Variants in ZNF714 observed in about 807,000 individuals in gnomAD.
ZNF714 encodes the protein zinc finger protein 714.
ZNF714 carries 32 observed loss-of-function variants against 46.2 expected under a neutral mutation model. The ratio of observed to expected loss-of-function variants is 0.69; its 90% CI spans 0.52 to 0.93. The LOEUF (loss-of-function observed/expected upper bound fraction) is 0.93, where lower values mean the gene tolerates loss of function less well. Ranked by LOEUF, ZNF714 falls within the 40% of genes least tolerant of loss-of-function variation. ZNF714 has a pLI of 0.00. For synonymous variants in ZNF714, 199 were observed against 213.1 expected (o/e 0.93, Z 0.58); for missense variants, 635 against 646.3 (o/e 0.98, Z 0.19).
At chr19:21,112,816 A>ATTTTTTTTTTTTTTTGTT (rs1969483688) in intron 4 of ZNF714, among the ~76,000 whole-genome samples, 1 of 43,210 alleles carries the variant, frequency 2.3e-5, no homozygotes, top group Non-Finnish European at 4.2e-5. Flanking sequence ...TTTATTTCTG[A>ATTTTTTTTTTTTTTTGTT]TTTTTTTTTT....
At chr19:21,112,067 C>G (rs1380080461) in intron 4 of ZNF714, among the ~76,000 whole-genome samples, 2 of 152,052 alleles carry the variant, frequency 1.3e-5, no homozygotes, top group Admixed American at 1.3e-4. Flanking sequence ...TTTGTTATAT[C>G]TCTGCCAGGT....
At position 21,082,356 on chromosome 19, in the gene ZNF714, T is replaced by C. The variant is rs1439010944; in HGVS notation, c.-177+8T>C. ...CCCGGAAGCCTAGAAATGGTGAGAG[T>C]GCCGGGTCCGACATCCCGAGAGAGG... On this transcript the variant is annotated splice_region_variant and intron_variant, in intron 1 of 4. Coordinates refer to ENST00000456283, the MANE Select transcript of ZNF714 (RefSeq NM_182515.4). 2.7e-6 allele frequency: 4 copies of C among 1,457,622 alleles called. No homozygotes were observed. The highest frequency in any genetic ancestry group is 3.7e-6 in the Non-Finnish European group (4 of 1,078,098). 90.3% of individuals were successfully genotyped at this position (1,457,622 alleles called of 1,614,324 possible).
intron 4 of ZNF714, among the ~76,000 whole-genome samples, chr19:21,105,018 A>C (rs1325361617): frequency 7.9e-6 from 1 of 127,344 alleles, no homozygotes; most frequent in Non-Finnish European, 1.6e-5. Flanking sequence ...TTATTTTTTC[A>C]TTTCTTTCTT....
Position 21,117,430 on chromosome 19 carries a change from C to A in ZNF714, c.766C>A (p.Pro256Thr). 1.2e-6 allele frequency: 2 copies of A among 1,612,746 alleles called. No homozygotes were observed. Among genetic ancestry groups the A allele is most frequent in the Non-Finnish European group, 1.7e-6 (2 of 1,179,440 alleles). Residue 256 changes from proline (P) to threonine (T), a missense_variant, in exon 5 of 5, where the codon CCC becomes ACC. Pro to Thr is a conservative substitution (Grantham distance 38). Transcript: ENST00000456283. ...THKVIHTGEK[P>T]FKCEECGKAF... ...TAAGGTAATTCATACTGGAGAGAAG[C>A]CCTTCAAATGTGAAGAATGTGGTAA... is the stretch of plus-strand genomic sequence containing the variant.
chr19:21,086,717 C>T (rs2144820656), intron 2 of ZNF714, among the ~76,000 whole-genome samples: 1 of 152,276 alleles, frequency 6.6e-6, no homozygotes, highest in Middle Eastern at 3.4e-3. Flanking sequence ...AGGAATGCAG[C>T]CCAGTCAGTC....
chr19:21,097,365 ATC>A (rs1969067173), intron 2 of ZNF714, among the ~76,000 whole-genome samples: 1 of 152,228 alleles, frequency 6.6e-6, no homozygotes, highest in Non-Finnish European at 1.5e-5. Context: ...GAGGGGCAAT[ATC>A]TCAGCAGTGA....
intron 2 of ZNF714, among the ~76,000 whole-genome samples, chr19:21,096,801 T>C (rs2144839547): frequency 6.6e-6 from 1 of 152,302 alleles, no homozygotes; most frequent in South Asian, 2.1e-4. Flanking sequence ...GTGTTCTCCA[T>C]TAGCTCTATG....
intron 4 of ZNF714, among the ~76,000 whole-genome samples, chr19:21,114,606 C>T (rs1032409952): frequency 1.3e-5 from 2 of 151,926 alleles, no homozygotes; most frequent in African/African-American, 4.8e-5. Flanking sequence ...TCCAGTTTGC[C>T]CTTCTATGTC....
chr19:21,090,459 C>A (rs1190822258), intron 2 of ZNF714, among the ~76,000 whole-genome samples: 1 of 152,134 alleles, frequency 6.6e-6, no homozygotes, highest in Non-Finnish European at 1.5e-5. Flanking sequence ...GAGTGCAAGA[C>A]AGATTAATCC....
chr19:21,108,297 T>G (rs1896655479), intron 4 of ZNF714, among the ~76,000 whole-genome samples: 1 of 152,152 alleles, frequency 6.6e-6, no homozygotes, highest in Non-Finnish European at 1.5e-5. Flanking sequence ...AATAAGAACA[T>G]TGTGTTGTTT....
chr19:21,097,887 A>C (rs1480435271), intron 2 of ZNF714, among the ~76,000 whole-genome samples: 1 of 152,158 alleles, frequency 6.6e-6, no homozygotes, highest in Non-Finnish European at 1.5e-5. Flanking sequence ...AAATATACAC[A>C]ACTCATTATG....
At chr19:21,100,539 A>G (rs147452746) in intron 4 of ZNF714, among the ~76,000 whole-genome samples, 12 of 152,126 alleles carry the variant, frequency 7.9e-5, no homozygotes, top group Non-Finnish European at 1.5e-4. Context: ...TCTCAATAAA[A>G]CAAAAAGATT....
At chr19:21,092,858 A>G (rs151034200) in intron 2 of ZNF714, among the ~76,000 whole-genome samples, 4 of 151,354 alleles carry the variant, frequency 2.6e-5, no homozygotes, top group Non-Finnish European at 5.9e-5. Flanking sequence ...TTAGGTTCCT[A>G]AGGATAATGG....
chr19:21,089,254 G>C lies in ZNF714; in HGVS notation c.-85+5185G>C, dbSNP rs116675943. ...AAACAGGGTCTATAGTGTCTCTTCT[G>C]TTTTTCCCAAGGAGTCCCAGGCTGC... On this transcript the variant is annotated intron_variant, in intron 2 of 4. Coordinates refer to ENST00000456283, the MANE Select transcript of ZNF714 (RefSeq NM_182515.4). 5.5e-3 allele frequency among the ~76,000 whole-genome samples: 832 copies of C among 152,254 alleles called. 7 individuals carry two copies. The highest frequency in any genetic ancestry group is 0.02 in the African/African-American group (813 of 41,550).
chr19:21,114,585 A>G (rs1357414379), intron 4 of ZNF714, among the ~76,000 whole-genome samples: 1 of 152,172 alleles, frequency 6.6e-6, no homozygotes, highest in Non-Finnish European at 1.5e-5. Context: ...CAAATGGGTC[A>G]TGACTCTTTA....
intron 4 of ZNF714, among the ~76,000 whole-genome samples, chr19:21,105,725 C>T (rs1363333970): frequency 2.6e-5 from 4 of 152,074 alleles, no homozygotes; most frequent in African/African-American, 9.6e-5. Flanking sequence ...GAGATGGAGG[C>T]GGGTGAATCA....
intron 2 of ZNF714, among the ~76,000 whole-genome samples, chr19:21,096,799 C>T (rs1969052083): frequency 1.3e-5 from 2 of 152,134 alleles, no homozygotes; most frequent in Admixed American, 6.6e-5. Flanking sequence ...TTGTGTTCTC[C>T]ATTAGCTCTA....
intron 2 of ZNF714, among the ~76,000 whole-genome samples, chr19:21,095,647 T>G (rs988536430): frequency 6.6e-6 from 1 of 151,890 alleles, no homozygotes; most frequent in Admixed American, 6.6e-5. Flanking sequence ...TTTGTATTTT[T>G]AGTAGAGATG....
intron 2 of ZNF714, among the ~76,000 whole-genome samples, chr19:21,093,359 A>G (rs1428414933): frequency 6.6e-6 from 1 of 151,856 alleles, no homozygotes; most frequent in African/African-American, 2.4e-5. Flanking sequence ...CAGCCTCCCG[A>G]GTAGCTGGGA....
Sources: allele counts gnomAD v4.1 joint callset (sites outside exome capture counted in the v4.1 genomes callset), GRCh38; gene constraint gnomAD v4.1.1; transcripts MANE v1.5; gene names NCBI Gene and HGNC (gene_info 2026-07-23, HGNC 2026-07-21).